SNAP23: variants seen among roughly 807,000 people sequenced by gnomAD.
SNAP23 encodes the protein synaptosome associated protein 23.
Under a neutral mutation model 29.0 loss-of-function variants are expected in SNAP23, and 11 were observed. The observed-to-expected ratio is 0.38, with a 90% CI of 0.24 to 0.63. The LOEUF is 0.63. Ranked by LOEUF, SNAP23 falls within the 20% of genes least tolerant of loss-of-function variation. SNAP23 has a pLI of 0.58. For synonymous variants in SNAP23, 60 were observed against 82.9 expected, an observed-to-expected ratio of 0.72 and a Z score of 1.50; for missense variants, 220 against 253.9, an observed-to-expected ratio of 0.87 and a Z score of 0.91.
intron 7 of SNAP23, 149 bp from the exon 8 acceptor site, chr15:42,531,264 C>A: frequency 2.1e-6 from 1 of 480,790 alleles, no homozygotes; most frequent in Non-Finnish European, 3.7e-6. Flanking sequence ...ATTTCATATT[C>A]TGTTACTTCT....
At chr15:42,515,123 T>G in intron 4 of SNAP23, 114 bp from the exon 5 acceptor site, 1 of 669,670 alleles carries the variant, frequency 1.5e-6, no homozygotes, top group African/African-American at 1.8e-5. Flanking sequence ...ACATACTCAC[T>G]GTGGGGAGTT....
At chr15:42,528,470 A>T (rs2057527937) in intron 6 of SNAP23, 50 bp downstream of exon 6, 1 of 1,579,852 alleles carries the variant, frequency 6.3e-7, no homozygotes, top group Non-Finnish European at 8.7e-7. Context: ...TGAATGGTTC[A>T]CTTAGGAGAT....
intron 5 of SNAP23, among the ~76,000 whole-genome samples, chr15:42,520,715 C>T (rs1036834908): frequency 3.3e-5 from 5 of 152,078 alleles, no homozygotes; most frequent in African/African-American, 1.2e-4. Context: ...AGGATGGTCT[C>T]GATCTCCTGA....
chr15:42,499,294 G>GCTCCCGAC (rs1236488535), intron 1 of SNAP23, among the ~76,000 whole-genome samples: 1 of 152,084 alleles, frequency 6.6e-6, no homozygotes, highest in Non-Finnish European at 1.5e-5. Flanking sequence ...CTGGTCTCGA[G>GCTCCCGAC]CTCCCGACCT....
rs759616719 is a variant in SNAP23, at chr15:42,513,382, T to C, written c.100-17T>C. ...GTTTGTTTTGTTGTACTATCAGCTT[T>C]TCCCCCCTTGTCTTAGTCTCAGGAT... On this transcript the variant is annotated splice_polypyrimidine_tract_variant and intron_variant, in intron 3 of 7. Coordinates refer to ENST00000249647, the MANE Select transcript of SNAP23 (RefSeq NM_003825.4). 4.3e-6 allele frequency: 7 copies of C among 1,612,374 alleles called. No homozygotes were observed. The highest frequency in any genetic ancestry group is 5.1e-6 in the Non-Finnish European group (6 of 1,178,432).
rs1400112602 is a variant in SNAP23 at position 42,513,501 on chromosome 15, C to T, written c.148+54C>T. 3 of 1,443,098 alleles carry T rather than the reference C, an allele frequency of 2.1e-6. No individual in the cohort carries two copies. In the Admixed American group the frequency reaches 5.0e-5, roughly 24 times the overall value. 89.4% of individuals were successfully genotyped at this position (1,443,098 alleles called of 1,614,324 possible). A position where few individuals can be genotyped will look rare whatever the true frequency, so the allele number is the denominator to read the frequency against. On this transcript the variant is annotated intron_variant, in intron 4 of 7. Coordinates refer to ENST00000249647, the MANE Select transcript of SNAP23 (RefSeq NM_003825.4). ...AATTTGACTGTGATGCCAAAAAGCC[C>T]TATCAAATTAGCCACATACAAATTT...
At chr15:42,497,895 C>T (rs777694400) in intron 1 of SNAP23, among the ~76,000 whole-genome samples, 4 of 152,164 alleles carry the variant, frequency 2.6e-5, no homozygotes, top group Admixed American at 6.5e-5. Flanking sequence ...TTGGCCAAAA[C>T]AAAGGGGCTA....
At chr15:42,516,689 G>A (rs1320811912) in intron 5 of SNAP23, among the ~76,000 whole-genome samples, 1 of 152,112 alleles carries the variant, frequency 6.6e-6, no homozygotes, top group African/African-American at 2.4e-5. Context: ...TTCTCAGCTG[G>A]TCTTGTAAAC....
At chr15:42,513,033 T>A (rs771712616) in intron 3 of SNAP23, 37 bp downstream of exon 3, 5 of 1,427,852 alleles carry the variant, frequency 3.5e-6, no homozygotes. Flanking sequence ...AGTATAGAAA[T>A]TTATAGGAGC....
At chr15:42,499,550 T>TA (rs1430144741) in intron 1 of SNAP23, among the ~76,000 whole-genome samples, 1 of 152,188 alleles carries the variant, frequency 6.6e-6, no homozygotes, top group Non-Finnish European at 1.5e-5. Flanking sequence ...ATGGGTTTTT[T>TA]AAAAAAACAT....
At chr15:42,509,585 G>T (rs539449519) in intron 1 of SNAP23, among the ~76,000 whole-genome samples, 1 of 151,734 alleles carries the variant, frequency 6.6e-6, no homozygotes, top group African/African-American at 2.4e-5. Context: ...GATTACAGGC[G>T]CTCACCACCA....
intron 1 of SNAP23, among the ~76,000 whole-genome samples, chr15:42,501,496 C>A (rs1011656042): frequency 6.6e-6 from 1 of 152,094 alleles, no homozygotes; most frequent in African/African-American, 2.4e-5. Flanking sequence ...AACTGCTGAG[C>A]TCAAGTGATC....
At chr15:42,526,780 AT>A (rs200251102) in intron 5 of SNAP23, among the ~76,000 whole-genome samples, 35 of 149,796 alleles carry the variant, frequency 2.3e-4, no homozygotes, top group African/African-American at 6.6e-4. Flanking sequence ...CGTAACAGCC[AT>A]TTTTTTTTCC....
chr15:42,517,450 C>T (rs2057406812), intron 5 of SNAP23, among the ~76,000 whole-genome samples: 1 of 152,116 alleles, frequency 6.6e-6, no homozygotes, highest in Non-Finnish European at 1.5e-5. Flanking sequence ...AAAGAAGTCT[C>T]CCCTAAAATC....
intron 1 of SNAP23, among the ~76,000 whole-genome samples, chr15:42,500,832 C>A (rs1015707895): frequency 1.3e-5 from 2 of 151,990 alleles, no homozygotes; most frequent in Non-Finnish European, 2.9e-5. Flanking sequence ...AGAAGAAGCC[C>A]ATTTGTATTC....
chr15:42,532,619 C>G lies in SNAP23; in HGVS notation c.*1141C>G, dbSNP rs1351182778. The G allele has an allele frequency of 6.6e-6, 1 of 152,558 alleles. No homozygotes were observed. The highest frequency in any genetic ancestry group is 1.5e-5 in the Non-Finnish European group (1 of 68,016). The allele number at this position is 152,558 out of a possible 1,614,324, so 9.5% of individuals were successfully genotyped here. A position where few individuals can be genotyped will look rare whatever the true frequency, so the allele number is the denominator to read the frequency against. On this transcript the variant is annotated 3_prime_UTR_variant, in exon 8 of 8. Transcript: ENST00000249647. ...ATATATGTGTAACATGAGAATTTCTCTCTAAAGCAGGGCTTAAAATTTTTT... is the reference window on the plus strand; with the variant it reads ...ATATATGTGTAACATGAGAATTTCTGTCTAAAGCAGGGCTTAAAATTTTTT...
intron 1 of SNAP23, 128 bp downstream of exon 1, chr15:42,495,841 C>G (rs1287311318): frequency 6.6e-6 from 1 of 152,368 alleles, no homozygotes; most frequent in Non-Finnish European, 1.5e-5. Context: ...GGAGGGGGCT[C>G]TCTGGCCCTT....
At chr15:42,511,930 ATAAT>A in intron 2 of SNAP23, 27 bp downstream of exon 2, 1 of 1,494,288 alleles carries the variant, frequency 6.7e-7, no homozygotes, top group Non-Finnish European at 9.2e-7. Flanking sequence ...AAATAAGTAA[ATAAT>A]TCTATTTCAG....
At chr15:42,499,632 A>G (rs955659401) in intron 1 of SNAP23, among the ~76,000 whole-genome samples, 1 of 152,206 alleles carries the variant, frequency 6.6e-6, no homozygotes, top group Non-Finnish European at 1.5e-5. Flanking sequence ...AGCATCCATT[A>G]TAATAAATAC....
Sources: allele counts gnomAD v4.1 joint callset (sites outside exome capture counted in the v4.1 genomes callset), GRCh38; gene constraint gnomAD v4.1.1; transcripts MANE v1.5; gene names NCBI Gene and HGNC (gene_info 2026-07-23, HGNC 2026-07-21).